TLCD3A: variants seen among roughly 807,000 people sequenced by gnomAD.
TLCD3A encodes the protein TLC domain containing 3A.
In TLCD3A, 17 loss-of-function variants were observed where a neutral mutation model predicts 29.9. The ratio of observed to expected loss-of-function variants is 0.57; its 90% CI spans 0.39 to 0.85. The LOEUF (loss-of-function observed/expected upper bound fraction) is 0.85. TLCD3A is among the 40% of genes least tolerant of loss of function. TLCD3A has a pLI of 0.00. For missense variants in TLCD3A, 332 were observed against 350.8 expected (o/e 0.95, Z 0.43); for synonymous variants, 143 against 147.7 (o/e 0.97, Z 0.23).
chr17:733,312 C>T (rs1433287651), intron 2 of TLCD3A, 131 bp downstream of exon 2: 1 of 845,274 alleles, frequency 1.2e-6, no homozygotes, highest in Non-Finnish European at 1.8e-6. Context: ...CTCCTTCTTC[C>T]TCTCCGGAGT....
intron 4 of TLCD3A, among the ~76,000 whole-genome samples, 196 bp from the exon 5 acceptor site, chr17:741,103 AAT>A (rs1173478790): frequency 6.6e-6 from 1 of 152,186 alleles, no homozygotes; most frequent in African/African-American, 2.4e-5. Context: ...TGCACATCTC[AAT>A]ATGATAGTGT....
At position 740,494 on chromosome 17, in the gene TLCD3A, G is replaced by C. The variant is rs182219879; in HGVS notation, c.409-11G>C. 6.8e-6 allele frequency: 11 copies of C among 1,610,794 alleles called. No homozygotes were observed. Among genetic ancestry groups the C allele is most frequent in the South Asian group, 2.2e-5 (2 of 90,984 alleles). Reference sequence around the variant, plus strand: ...TCCACTTACTTCCCCTTTTCGTTTCGTCATCCGCAGAGGCTCCGGGGAGAC... The same window carrying C: ...TCCACTTACTTCCCCTTTTCGTTTCCTCATCCGCAGAGGCTCCGGGGAGAC... On this transcript the variant is annotated splice_polypyrimidine_tract_variant and intron_variant, in intron 3 of 4. Coordinates refer to ENST00000308278, the MANE Select transcript of TLCD3A (RefSeq NM_024792.3).
chr17:741,664 G>T lies in TLCD3A; in HGVS notation c.*94G>T. The T allele has an allele frequency of 6.9e-7, 1 of 1,441,046 alleles. No individual in the cohort carries two copies. Among genetic ancestry groups the T allele is most frequent in the South Asian group, 1.3e-5 (1 of 78,166 alleles). 89.3% of individuals were successfully genotyped at this position (1,441,046 alleles called of 1,614,324 possible). A position where few individuals can be genotyped will look rare whatever the true frequency, so the allele number is the denominator to read the frequency against. On this transcript the variant is annotated 3_prime_UTR_variant, in exon 5 of 5. Transcript: ENST00000308278. ...TGTGCCCTGGGTAGCCTCAGACTTT[G>T]GGTATTGATAAGCCGATGGATTTGA...
Position 741,818 on chromosome 17 carries a change from C to G in TLCD3A, c.*248C>G, listed in dbSNP as rs1486302963. 3 of 544,028 alleles carry G rather than the reference C, an allele frequency of 5.5e-6. No individual in the cohort carries two copies. The African/African-American group carries it at 5.7e-5, about 10-fold the overall frequency. The allele number at this position is 544,028 out of a possible 1,614,324, so 33.7% of individuals were successfully genotyped here. A position where few individuals can be genotyped will look rare whatever the true frequency, so the allele number is the denominator to read the frequency against. On this transcript the variant is annotated 3_prime_UTR_variant, in exon 5 of 5. Coordinates refer to ENST00000308278, the MANE Select transcript of TLCD3A (RefSeq NM_024792.3). ...CAGCAAAGTGGTTTTAATGCAAGCC[C>G]AAGGATCCTTCTTAAGGTCTTATCT...
chr17:735,232 G>T (rs1974136009), intron 2 of TLCD3A, among the ~76,000 whole-genome samples: 1 of 151,848 alleles, frequency 6.6e-6, no homozygotes, highest in Non-Finnish European at 1.5e-5. Context: ...GGCTGGTCTT[G>T]AACTCCTGAC....
chr17:733,120 G>A lies in TLCD3A; in HGVS notation c.145G>A (p.Val49Met), dbSNP rs1325442476. 2.5e-6 allele frequency: 4 copies of A among 1,593,438 alleles called. No individual in the cohort carries two copies. The highest frequency in any genetic ancestry group is 3.4e-6 in the Non-Finnish European group (4 of 1,170,878). The change falls in exon 2 of 5, where the codon GTG (valine) becomes ATG (methionine). Residue 49 changes from valine to methionine, a missense_variant. Val to Met is a conservative substitution (Grantham distance 21). Coordinates refer to ENST00000308278, the MANE Select transcript of TLCD3A (RefSeq NM_024792.3). ...STRLVSSVHA[V>M]LATGSGIVII... Reference sequence around the variant, plus strand: ...TAGGCTGGTTTCCTCGGTGCACGCCGTGCTGGCCACCGGCTCGGGGATCGT... The same window carrying A: ...TAGGCTGGTTTCCTCGGTGCACGCCATGCTGGCCACCGGCTCGGGGATCGT...
chr17:733,143 C>T lies in TLCD3A; in HGVS notation c.168C>T (p.Ile56=), dbSNP rs745399812. The part of the protein sequence containing the change: ...VHAVLATGSG[I]VIIRSCDDVI... ...CCGTGCTGGCCACCGGCTCGGGGAT[C>T]GTCATCATTCGCTCCTGCGACGACG... The change falls in exon 2 of 5, where the codon ATC becomes ATT. Residue 56 remains isoleucine, a synonymous_variant. Transcript: ENST00000308278. 3 of 1,583,930 alleles carry T rather than the reference C, an allele frequency of 1.9e-6. No homozygotes were observed. Among genetic ancestry groups the T allele is most frequent in the Admixed American group, 3.5e-5 (2 of 56,838 alleles).
chr17:736,357 C>T (rs1974153840), intron 2 of TLCD3A, among the ~76,000 whole-genome samples: 1 of 152,224 alleles, frequency 6.6e-6, no homozygotes, highest in South Asian at 2.1e-4. Context: ...CAAACGTTTG[C>T]TGACCATGTG....
intron 4 of TLCD3A, among the ~76,000 whole-genome samples, chr17:740,801 A>G (rs1008567499): frequency 6.6e-5 from 10 of 152,222 alleles, no homozygotes; most frequent in African/African-American, 1.9e-4. Flanking sequence ...GAAATGGCAG[A>G]AAGAGTGTGG....
chr17:741,745 A>C lies in TLCD3A; in HGVS notation c.*175A>C. 2.5e-6 allele frequency: 2 copies of C among 801,958 alleles called. No individual in the cohort carries two copies. Among genetic ancestry groups the C allele is most frequent in the Admixed American group, 5.8e-5 (2 of 34,650 alleles). 49.7% of individuals were successfully genotyped at this position (801,958 alleles called of 1,614,324 possible). ...TTCTTCTAACTTGCCCTATTTGCAA[A>C]AGCACTTTTGTAGTAACAACTATTG... is the stretch of plus-strand genomic sequence containing the variant. On this transcript the variant is annotated 3_prime_UTR_variant, in exon 5 of 5. Transcript: ENST00000308278.
chr17:735,620 C>T (rs2144110909), intron 2 of TLCD3A, among the ~76,000 whole-genome samples: 1 of 152,174 alleles, frequency 6.6e-6, no homozygotes, highest in East Asian at 1.9e-4. Context: ...AAGAAAGCAC[C>T]TGAGACCATA....
intron 2 of TLCD3A, among the ~76,000 whole-genome samples, chr17:735,770 G>A (rs1369603907): frequency 6.6e-6 from 1 of 151,522 alleles, no homozygotes; most frequent in South Asian, 2.1e-4. Context: ...CTTGAGACCA[G>A]TCTGGCCAAC....
In TLCD3A at chr17:733,195, C is replaced by T. The variant is rs892282141; in HGVS notation, c.206+14C>T. 1.4e-5 allele frequency: 22 copies of T among 1,531,118 alleles called. No homozygotes were observed. Among genetic ancestry groups the T allele is most frequent in the Non-Finnish European group, 1.9e-5 (22 of 1,138,342 alleles). The allele number at this position is 1,531,118 out of a possible 1,614,324, so 94.8% of individuals were successfully genotyped here. On this transcript the variant is annotated intron_variant, in intron 2 of 4. Transcript: ENST00000308278. ...GATCACCGGCAGGTAAGAGCCCGGGCCGGGGCCTTGTTGCAAATGTCACAT... is the reference window on the plus strand; with the variant it reads ...GATCACCGGCAGGTAAGAGCCCGGGTCGGGGCCTTGTTGCAAATGTCACAT...
intron 4 of TLCD3A, 63 bp downstream of exon 4, chr17:740,663 G>C (rs1467101668): frequency 6.7e-7 from 1 of 1,491,288 alleles, no homozygotes; most frequent in East Asian, 2.3e-5. Context: ...TGAATGAAAT[G>C]ACAGAGAGAG....
chr17:740,401 C>T (rs1597545719), intron 3 of TLCD3A, 104 bp from the exon 4 acceptor site: 2 of 849,966 alleles, frequency 2.4e-6, no homozygotes, highest in East Asian at 4.9e-5. Flanking sequence ...ATTGAGCGTC[C>T]TTTGCCCGTC....
At chr17:740,668 A>G (rs1974237484) in intron 4 of TLCD3A, 68 bp downstream of exon 4, 4 of 1,472,092 alleles carry the variant, frequency 2.7e-6, no homozygotes, top group Non-Finnish European at 3.8e-6. Flanking sequence ...GAAATGACAG[A>G]GAGAGTGAGG....
At chr17:736,100 G>C (rs556196786) in intron 2 of TLCD3A, among the ~76,000 whole-genome samples, 1 of 151,930 alleles carries the variant, frequency 6.6e-6, no homozygotes, top group Non-Finnish European at 1.5e-5. Flanking sequence ...CGTGGTAAGT[G>C]TGGAGTTGCT....
chr17:732,599 C>G lies in TLCD3A; in HGVS notation c.-49C>G. The G allele has an allele frequency of 8.5e-7, 1 of 1,178,312 alleles. No homozygotes were observed. Among genetic ancestry groups the G allele is most frequent in the Non-Finnish European group, 1.1e-6 (1 of 951,214 alleles). 73.0% of individuals were successfully genotyped at this position (1,178,312 alleles called of 1,614,324 possible). A position where few individuals can be genotyped will look rare whatever the true frequency, so the allele number is the denominator to read the frequency against. On this transcript the variant is annotated 5_prime_UTR_variant, in exon 1 of 5. Coordinates refer to ENST00000308278, the MANE Select transcript of TLCD3A (RefSeq NM_024792.3). ...CGCGGCCGGGCCGGGGCGCGCCGAG[C>G]CGAACCCAGCCACGCGGCGCCAGCG...
rs1385299908 is a variant in TLCD3A, at chr17:741,395, A to G, written c.599A>G (p.Tyr200Cys). The change falls in exon 5 of 5, where the codon TAC becomes TGC. Residue 200 changes from tyrosine (Y) to cysteine (C), a missense_variant. Coordinates refer to ENST00000308278, the MANE Select transcript of TLCD3A (RefSeq NM_024792.3). ...SCRILLFPFM[Y>C]WSYGRQQGLS... Reference sequence around the variant, plus strand: ...CGGATCCTTCTCTTCCCCTTCATGTACTGGTCCTATGGCCGCCAGCAGGGA... The same window carrying G: ...CGGATCCTTCTCTTCCCCTTCATGTGCTGGTCCTATGGCCGCCAGCAGGGA... The G allele has an allele frequency of 1.2e-6, 2 of 1,614,006 alleles. No individual in the cohort carries two copies. The highest frequency in any genetic ancestry group is 1.1e-5 in the South Asian group (1 of 91,068).
Sources: allele counts gnomAD v4.1 joint callset (sites outside exome capture counted in the v4.1 genomes callset), GRCh38; gene constraint gnomAD v4.1.1; transcripts MANE v1.5; gene names NCBI Gene and HGNC (gene_info 2026-07-23, HGNC 2026-07-21).